PTPA: variants seen among roughly 807,000 people sequenced by gnomAD.
PTPA encodes protein phosphatase 2 phosphatase activator.
Under a neutral mutation model 43.6 loss-of-function variants are expected in PTPA, and 13 were observed. The observed-to-expected ratio is 0.30, with a 90% CI of 0.19 to 0.47. PTPA has a LOEUF of 0.47. Among genes scored for constraint, PTPA ranks in the 20% least tolerant of loss-of-function variants. The pLI, the probability that PTPA is intolerant of heterozygous loss-of-function variation, is 0.99. For missense variants in PTPA, 329 were observed against 411.9 expected (o/e 0.80, Z 1.74); for synonymous variants, 172 against 158.2 (o/e 1.09, Z -0.66).
intron 1 of PTPA, among the ~76,000 whole-genome samples, chr9:129,115,589 G>C (rs1385749356): frequency 6.6e-6 from 1 of 152,084 alleles, no homozygotes; most frequent in African/African-American, 2.4e-5. Flanking sequence ...TTTATACCAG[G>C]TTGTGAGTGA....
At chr9:129,111,735 G>A in intron 1 of PTPA, 104 bp downstream of exon 1, 1 of 1,241,080 alleles carries the variant, frequency 8.1e-7, no homozygotes, top group Non-Finnish European at 1.0e-6. Flanking sequence ...AGGAACTGGA[G>A]GGGCAAAAGC....
intron 9 of PTPA, among the ~76,000 whole-genome samples, chr9:129,146,122 TTATG>T (rs1384026814): frequency 6.6e-6 from 1 of 151,690 alleles, no homozygotes; most frequent in African/African-American, 2.4e-5. Flanking sequence ...GGGGGGGCTC[TTATG>T]ACCACTTCTG....
Position 129,136,593 on chromosome 9 carries a change from T to C in PTPA, c.683T>C (p.Ile228Thr), listed in dbSNP as rs754033690. Residue 228 changes from isoleucine (I) to threonine (T), a missense_variant and splice_region_variant, in exon 7 of 10, where the codon ATA (isoleucine) becomes ACA (threonine). Physicochemically the swap from Ile to Thr is moderately conservative, Grantham distance 89. Coordinates refer to ENST00000393370, the MANE Select transcript of PTPA (RefSeq NM_178000.3). ...TTCATCTGGGGCAGTTCGCAGCTGA[T>C]AGGTACTAGAGCGGGAGGTGCCTAT... is the stretch of plus-strand genomic sequence containing the variant. ...LPFIWGSSQL[I>T]DHPYLEPRHF... is the part of the protein sequence containing the mutation. The C allele has an allele frequency of 6.2e-7, 1 of 1,611,932 alleles. No homozygotes were observed. The highest frequency in any genetic ancestry group is 1.7e-5 in the Admixed American group (1 of 59,838).
Position 129,137,680 on chromosome 9 carries a change from G to A in PTPA, c.774G>A (p.Leu258=). ...HKDYMFLECI[L]FITEMKTGPF... ...ACTACATGTTCCTGGAGTGTATCCT[G>A]TTTATTACCGAGGTGAGGAGGAGGG... Residue 258 remains leucine (L), a synonymous_variant, in exon 8 of 10, where the codon CTG becomes CTA. Transcript: ENST00000393370. 4 of 1,605,252 alleles carry A rather than the reference G, an allele frequency of 2.5e-6. No homozygotes were observed. Among genetic ancestry groups the A allele is most frequent in the Non-Finnish European group, 3.4e-6 (4 of 1,174,424 alleles).
intron 8 of PTPA, 49 bp downstream of exon 8, chr9:129,137,741 A>G: frequency 1.4e-6 from 2 of 1,478,132 alleles, no homozygotes; most frequent in East Asian, 2.3e-5. Flanking sequence ...CCAGGCTCAG[A>G]TGAACCAAGG....
chr9:129,129,264 G>A (rs1386922704), intron 4 of PTPA, among the ~76,000 whole-genome samples, 154 bp downstream of exon 4: 3 of 152,138 alleles, frequency 2.0e-5, no homozygotes, highest in Admixed American at 6.5e-5. Flanking sequence ...TTACAAATGA[G>A]TTTATACTCT....
chr9:129,120,489 GT>G (rs1564185513), intron 1 of PTPA, 23 bp from the exon 2 acceptor site: 2 of 1,539,394 alleles, frequency 1.3e-6, no homozygotes, highest in Non-Finnish European at 1.8e-6. Flanking sequence ...TTATCTGTTT[GT>G]TTTTTCATTT....
At chr9:129,124,161 C>G (rs1248332710) in intron 3 of PTPA, among the ~76,000 whole-genome samples, 2 of 152,034 alleles carry the variant, frequency 1.3e-5, no homozygotes, top group East Asian at 3.8e-4. Context: ...AAAGCAAGAG[C>G]TTCTCTTCTC....
At chr9:129,143,316 G>C in intron 9 of PTPA, 1 of 703,080 alleles carries the variant, frequency 1.4e-6, no homozygotes, top group Non-Finnish European at 2.6e-6. Context: ...GGAAGGGCTG[G>C]ATGTGAAGTT....
chr9:129,127,668 C>A (rs111527679), intron 3 of PTPA, among the ~76,000 whole-genome samples: 1 of 152,290 alleles, frequency 6.6e-6, no homozygotes, highest in African/African-American at 2.4e-5. Flanking sequence ...GCCAATGCTG[C>A]CCGCACCTCT....
chr9:129,128,425 A>G (rs1849723394), intron 3 of PTPA, among the ~76,000 whole-genome samples: 1 of 151,932 alleles, frequency 6.6e-6, no homozygotes, highest in Admixed American at 6.6e-5. Flanking sequence ...AGTCCCAGCT[A>G]CTTGGGAGGC....
chr9:129,137,516 G>A (rs1056086368), intron 7 of PTPA, 76 bp from the exon 8 acceptor site: 3 of 1,192,860 alleles, frequency 2.5e-6, no homozygotes, highest in Admixed American at 4.2e-5. Context: ...CCCTGGGGGG[G>A]TGTGACTGCT....
At chr9:129,131,812 A>G (rs1173143577) in intron 5 of PTPA, among the ~76,000 whole-genome samples, 173 bp downstream of exon 5, 2 of 152,176 alleles carry the variant, frequency 1.3e-5, no homozygotes, top group African/African-American at 2.4e-5. Flanking sequence ...GGGAGGGCGT[A>G]GGCATGCAGG....
At chr9:129,144,333 A>C (rs1390727309) in intron 9 of PTPA, among the ~76,000 whole-genome samples, 1 of 152,042 alleles carries the variant, frequency 6.6e-6, no homozygotes, top group African/African-American at 2.4e-5. Context: ...AGGATGGGGG[A>C]GCTCTCTAGT....
At chr9:129,133,520 A>G (rs1850128886) in intron 5 of PTPA, among the ~76,000 whole-genome samples, 1 of 152,188 alleles carries the variant, frequency 6.6e-6, no homozygotes, top group South Asian at 2.1e-4. Context: ...GTATTCTCTG[A>G]CACATTCTCT....
chr9:129,137,126 C>T (rs1008268647), intron 7 of PTPA, among the ~76,000 whole-genome samples: 1 of 152,208 alleles, frequency 6.6e-6, no homozygotes, highest in Admixed American at 6.5e-5. Flanking sequence ...AGGTGATCAT[C>T]TCTATTTTGA....
In PTPA at chr9:129,123,149, G is replaced by A. The variant is rs776509035; in HGVS notation, c.216+11G>A. The A allele has an allele frequency of 6.3e-7, 1 of 1,594,208 alleles. No individual in the cohort carries two copies. The highest frequency in any genetic ancestry group is 8.6e-7 in the Non-Finnish European group (1 of 1,163,108). The stretch of plus-strand genomic sequence containing the variant: ...TACAGAGTCTCCGAGGTAGGCCCAA[G>A]GAGGAGCTGCTGCAGCAGCCTTTCC... On this transcript the variant is annotated intron_variant, in intron 3 of 9. Transcript: ENST00000393370.
At chr9:129,122,446 G>A (rs910203154) in intron 2 of PTPA, among the ~76,000 whole-genome samples, 1 of 152,200 alleles carries the variant, frequency 6.6e-6, no homozygotes, top group South Asian at 2.1e-4. Context: ...CTGCAGCCCA[G>A]CAGGGAAGAA....
At chr9:129,111,895 G>A in intron 1 of PTPA, 1 of 836,536 alleles carries the variant, frequency 1.2e-6, no homozygotes, top group Non-Finnish European at 1.6e-6. Context: ...CCGAATGCTG[G>A]GTGGGCAGCG....
Sources: gnomAD v4.1 joint callset for allele counts (sites outside exome capture counted in the v4.1 genomes callset) on GRCh38, gnomAD v4.1.1 for gene constraint, MANE v1.5 for transcripts, NCBI Gene and HGNC (gene_info 2026-07-23, HGNC 2026-07-21) for gene names.